KIAA0825: variants seen among roughly 807,000 people sequenced by gnomAD.
KIAA0825 encodes KIAA0825.
KIAA0825 carries 119 observed loss-of-function variants against 147.6 expected under a neutral mutation model. That is an observed-to-expected ratio of 0.81 (90% CI 0.69 to 0.94). KIAA0825 has a LOEUF of 0.94. Ranked by LOEUF, KIAA0825 falls within the 40% of genes least tolerant of loss-of-function variation. The pLI is 0.00. For synonymous variants in KIAA0825, 470 were observed against 518.1 expected (o/e 0.91, Z 1.26); for missense variants, 1,381 against 1,472.7 (o/e 0.94, Z 1.02).
chr5:94,219,873 A>T (rs1210724100), intron 20 of KIAA0825, among the ~76,000 whole-genome samples: 1 of 152,130 alleles, frequency 6.6e-6, no homozygotes, highest in Admixed American at 6.6e-5. Flanking sequence ...ATGGCCTAGG[A>T]TGTTACTGTA....
chr5:94,413,096 C>A (rs1752982351), intron 15 of KIAA0825: 1 of 152,022 alleles, frequency 6.6e-6, no homozygotes, highest in South Asian at 2.1e-4. Context: ...GGATTGCAGG[C>A]ACATGCCACC....
Position 94,520,240 on chromosome 5 carries a change from T to G in KIAA0825, c.970+8A>C, listed in dbSNP as rs202058625. ...TTAAACCAAACAAAAATTTTAAATGTCACTAACCCAAAGCATGCACTGCTC... is the reference window on the plus strand; with the variant it reads ...TTAAACCAAACAAAAATTTTAAATGGCACTAACCCAAAGCATGCACTGCTC... On this transcript the variant is annotated splice_region_variant and intron_variant, in intron 5 of 20. Coordinates refer to ENST00000682413, the MANE Select transcript of KIAA0825 (RefSeq NM_001145678.3). The G allele has an allele frequency of 3.4e-5, 53 of 1,561,996 alleles. No homozygotes were observed. Among genetic ancestry groups the G allele is most frequent in the South Asian group, 1.7e-4 (14 of 81,928 alleles).
intron 20 of KIAA0825, among the ~76,000 whole-genome samples, chr5:94,349,020 A>C (rs1452709357): frequency 6.6e-6 from 1 of 152,036 alleles, no homozygotes; most frequent in African/African-American, 2.4e-5. Context: ...ATGGATAAGA[A>C]CTCACCAACC....
intron 20 of KIAA0825, among the ~76,000 whole-genome samples, chr5:94,352,902 C>G (rs1783844945): frequency 2.7e-5 from 4 of 149,464 alleles, no homozygotes. Context: ...AAGAATGATG[C>G]AATGGACTTT....
intron 5 of KIAA0825, among the ~76,000 whole-genome samples, chr5:94,502,140 G>C (rs1765169425): frequency 6.6e-6 from 1 of 151,914 alleles, no homozygotes; most frequent in Non-Finnish European, 1.5e-5. Context: ...GGGTAGGTAA[G>C]GTAAATAAGA....
At chr5:94,221,703 A>G (rs1211110414) in intron 20 of KIAA0825, among the ~76,000 whole-genome samples, 4 of 152,190 alleles carry the variant, frequency 2.6e-5, no homozygotes, top group African/African-American at 9.7e-5. Flanking sequence ...TTTCAAGATC[A>G]TGGAAAACCT....
chr5:94,579,246 C>T (rs899871575), intron 2 of KIAA0825, among the ~76,000 whole-genome samples: 4 of 152,226 alleles, frequency 2.6e-5, no homozygotes, highest in Non-Finnish European at 5.9e-5. Context: ...TCAGTCCCAG[C>T]TCCATTACTT....
intron 1 of KIAA0825, among the ~76,000 whole-genome samples, chr5:94,588,431 G>T (rs1308765180): frequency 6.6e-6 from 1 of 152,114 alleles, no homozygotes; most frequent in Non-Finnish European, 1.5e-5. Context: ...ACAGACATAT[G>T]AAAAAATGCT....
chr5:94,495,247 C>T (rs368331676), intron 5 of KIAA0825, among the ~76,000 whole-genome samples: 14 of 152,188 alleles, frequency 9.2e-5, no homozygotes, highest in African/African-American at 2.9e-4. Context: ...GTAGAGAAGA[C>T]GTGTCTCAGG....
At chr5:94,553,748 A>T (rs1776003847) in intron 2 of KIAA0825, among the ~76,000 whole-genome samples, 1 of 151,824 alleles carries the variant, frequency 6.6e-6, no homozygotes, top group South Asian at 2.1e-4. Flanking sequence ...CCTGAGCAAC[A>T]AGAAGGAGAC....
chr5:94,287,199 C>T (rs1271914916), intron 20 of KIAA0825, among the ~76,000 whole-genome samples: 2 of 152,182 alleles, frequency 1.3e-5, no homozygotes, highest in African/African-American at 2.4e-5. Context: ...AACTCTTCTA[C>T]TACGTTACCT....
At chr5:94,485,230 T>A (rs1434639268) in intron 5 of KIAA0825, among the ~76,000 whole-genome samples, 1 of 151,734 alleles carries the variant, frequency 6.6e-6, no homozygotes. Context: ...TCTGCTTTTT[T>A]TTTTCGGTCT....
intron 20 of KIAA0825, among the ~76,000 whole-genome samples, chr5:94,270,452 T>C (rs1776933515): frequency 1.3e-5 from 2 of 152,056 alleles, no homozygotes; most frequent in Non-Finnish European, 2.9e-5. Context: ...ACATGAAGGT[T>C]CAGGAATTTC....
intron 20 of KIAA0825, among the ~76,000 whole-genome samples, chr5:94,226,269 C>T (rs1036909608): frequency 6.6e-6 from 1 of 152,092 alleles, no homozygotes; most frequent in African/African-American, 2.4e-5. Context: ...AAAAAATGCT[C>T]ATCATCACTG....
chr5:94,278,803 T>C (rs1777335148), intron 20 of KIAA0825, among the ~76,000 whole-genome samples: 2 of 150,464 alleles, frequency 1.3e-5, no homozygotes, highest in Non-Finnish European at 3.0e-5. Context: ...CATTAAATGA[T>C]AATTCTGTTT....
chr5:94,576,906 T>A (rs1020105029), intron 2 of KIAA0825, among the ~76,000 whole-genome samples: 7 of 152,058 alleles, frequency 4.6e-5, no homozygotes, highest in Non-Finnish European at 7.4e-5. Flanking sequence ...AAAGAAAAAA[T>A]TTAACTCTTC....
At chr5:94,331,635 A>C (rs1183882793) in intron 20 of KIAA0825, among the ~76,000 whole-genome samples, 3 of 152,218 alleles carry the variant, frequency 2.0e-5, no homozygotes, top group Non-Finnish European at 4.4e-5. Flanking sequence ...TCTTTCATGA[A>C]CATCAACAGA....
chr5:94,262,067 G>C (rs1362285390), intron 20 of KIAA0825, among the ~76,000 whole-genome samples: 1 of 151,930 alleles, frequency 6.6e-6, no homozygotes, highest in Non-Finnish European at 1.5e-5. Context: ...AAAAATATTT[G>C]CAATACATAT....
intron 20 of KIAA0825, among the ~76,000 whole-genome samples, chr5:94,297,238 T>C (rs1277692331): frequency 6.6e-6 from 1 of 152,140 alleles, no homozygotes; most frequent in African/African-American, 2.4e-5. Context: ...ATACAGTTAT[T>C]ATCTCTAAAT....
Sources: allele counts gnomAD v4.1 joint callset (sites outside exome capture counted in the v4.1 genomes callset), GRCh38; gene constraint gnomAD v4.1.1; transcripts MANE v1.5; gene names NCBI Gene and HGNC (gene_info 2026-07-23, HGNC 2026-07-21).